The following SCFD1 variants were observed in gnomAD, a reference collection of about 807,000 sequenced individuals.
SCFD1 encodes the protein sec1 family domain containing 1.
In SCFD1, 37 loss-of-function variants were observed where a neutral mutation model predicts 103.2. The ratio of observed to expected loss-of-function variants is 0.36; its 90% confidence interval spans 0.28 to 0.47. SCFD1 has a LOEUF of 0.47. Among genes scored for constraint, SCFD1 ranks in the 20% least tolerant of loss-of-function variants. The pLI is 1.00. For missense variants in SCFD1, 639 were observed against 761.2 expected (o/e 0.84, Z 1.89); for synonymous variants, 264 against 245.0 (o/e 1.08, Z -0.73).
chr14:30,677,120 T>G (rs550691073), intron 14 of SCFD1, among the ~76,000 whole-genome samples: 1 of 152,312 alleles, frequency 6.6e-6, no homozygotes, highest in African/African-American at 2.4e-5. Flanking sequence ...AATCTGTCAT[T>G]CAAGATATTG....
intron 14 of SCFD1, among the ~76,000 whole-genome samples, chr14:30,688,715 G>A (rs200613267): frequency 0.05 from 2,430 of 48,280 alleles, 14 homozygotes; most frequent in East Asian, 0.16. Flanking sequence ...GTCTCTGCAC[G>A]TGAGATGGGT....
At chr14:30,675,254 A>G (rs1167702588) in intron 14 of SCFD1, 189 bp downstream of exon 14, 1 of 400,848 alleles carries the variant, frequency 2.5e-6, no homozygotes, top group Non-Finnish European at 4.5e-6. Context: ...AAGATAAGTG[A>G]TTTCCAAGGT....
intron 1 of SCFD1, among the ~76,000 whole-genome samples, chr14:30,626,904 A>G (rs777658794): frequency 2.7e-4 from 41 of 152,232 alleles, no homozygotes; most frequent in Non-Finnish European, 5.1e-4. Context: ...GCAAGCATTT[A>G]ATAGAAGTTT....
intron 7 of SCFD1, among the ~76,000 whole-genome samples, chr14:30,646,383 T>C (rs1885831559): frequency 6.6e-6 from 1 of 150,502 alleles, no homozygotes; most frequent in Non-Finnish European, 1.5e-5. Context: ...TCTGTTGAGA[T>C]GATCATATGG....
intron 23 of SCFD1, among the ~76,000 whole-genome samples, chr14:30,732,711 A>T (rs1893560733): frequency 6.6e-6 from 1 of 152,226 alleles, no homozygotes; most frequent in African/African-American, 2.4e-5. Context: ...ATACTAGTCC[A>T]CAACATAAGG....
At chr14:30,625,400 T>C (rs1404014625) in intron 1 of SCFD1, among the ~76,000 whole-genome samples, 1 of 152,178 alleles carries the variant, frequency 6.6e-6, no homozygotes, top group Non-Finnish European at 1.5e-5. Context: ...TAAAAAATTT[T>C]GATTTTGGAG....
At chr14:30,706,087 T>C (rs1364803892) in intron 18 of SCFD1, among the ~76,000 whole-genome samples, 1 of 152,130 alleles carries the variant, frequency 6.6e-6, no homozygotes, top group Admixed American at 6.5e-5. Flanking sequence ...ATTGTACATA[T>C]TTATGGGGTA....
chr14:30,658,154 T>A (rs948379746), intron 10 of SCFD1: 1 of 449,054 alleles, frequency 2.2e-6, no homozygotes. Flanking sequence ...ATTTTATCTC[T>A]GTTTTTTTAC....
chr14:30,680,357 TA>T (rs1240608230), intron 14 of SCFD1, among the ~76,000 whole-genome samples: 1 of 152,132 alleles, frequency 6.6e-6, no homozygotes, highest in Admixed American at 6.6e-5. Context: ...TTTTTTCTTT[TA>T]AAGGGAGAAT....
At chr14:30,707,711 A>G in intron 18 of SCFD1, 1 of 410,932 alleles carries the variant, frequency 2.4e-6, no homozygotes, top group Non-Finnish European at 4.6e-6. Context: ...AGACTAGGAA[A>G]TTAAGATGTT....
chr14:30,648,669 T>G (rs749212114), intron 7 of SCFD1, among the ~76,000 whole-genome samples: 1 of 152,198 alleles, frequency 6.6e-6, no homozygotes, highest in Non-Finnish European at 1.5e-5. Flanking sequence ...CCCAGCACTT[T>G]AGGTGGTTGA....
At chr14:30,629,975 G>T (rs1883933448) in intron 2 of SCFD1, among the ~76,000 whole-genome samples, 1 of 151,824 alleles carries the variant, frequency 6.6e-6, no homozygotes, top group African/African-American at 2.4e-5. Context: ...TATTAGTTTT[G>T]AAAATGGCTA....
At chr14:30,638,803 T>C (rs940672560) in intron 5 of SCFD1, among the ~76,000 whole-genome samples, 1 of 152,220 alleles carries the variant, frequency 6.6e-6, no homozygotes, top group Non-Finnish European at 1.5e-5. Flanking sequence ...TTGTAAAATA[T>C]ATTTCAGGTT....
intron 9 of SCFD1, among the ~76,000 whole-genome samples, chr14:30,652,871 T>A (rs985176445): frequency 2.6e-5 from 4 of 151,488 alleles, no homozygotes; most frequent in African/African-American, 4.9e-5. Context: ...TAGCCAAGAG[T>A]GGTGGTGCAC....
At chr14:30,666,376 G>C (rs932745789) in intron 10 of SCFD1, among the ~76,000 whole-genome samples, 31 of 152,176 alleles carry the variant, frequency 2.0e-4, no homozygotes, top group Admixed American at 1.5e-3. Flanking sequence ...CAACATACCA[G>C]AATCTCTGGG....
chr14:30,645,347 A>G (rs1885711728), intron 7 of SCFD1, among the ~76,000 whole-genome samples: 1 of 152,142 alleles, frequency 6.6e-6, no homozygotes, highest in South Asian at 2.1e-4. Flanking sequence ...TGACTTTTAG[A>G]AAAGTTTTTT....
intron 1 of SCFD1, among the ~76,000 whole-genome samples, chr14:30,625,999 C>T (rs1024421421): frequency 1.3e-5 from 2 of 152,026 alleles, no homozygotes; most frequent in African/African-American, 4.8e-5. Context: ...ACAGGGTTTC[C>T]TCCCTCTTGG....
chr14:30,725,835 AG>A (rs11352915), intron 23 of SCFD1, among the ~76,000 whole-genome samples: 11,817 of 152,214 alleles, frequency 0.078, 738 homozygotes, highest in African/African-American at 0.16. Flanking sequence ...CAGGCTCAAA[AG>A]CAGAAACCAA....
intron 3 of SCFD1, chr14:30,630,772 T>C: frequency 2.0e-6 from 1 of 496,002 alleles, no homozygotes; most frequent in Non-Finnish European, 3.5e-6. Context: ...TGGCTTTTCC[T>C]TAGATTTGGT....
Sources: allele counts gnomAD v4.1 joint callset (sites outside exome capture counted in the v4.1 genomes callset), GRCh38; gene constraint gnomAD v4.1.1; transcripts MANE v1.5; gene names NCBI Gene and HGNC (gene_info 2026-07-23, HGNC 2026-07-21).